DPYD: variants seen among roughly 807,000 people sequenced by gnomAD.
DPYD encodes dihydropyrimidine dehydrogenase [NADP(+)].
In DPYD, 109 loss-of-function variants were observed where a neutral mutation model predicts 116.2. The observed-to-expected ratio is 0.94, with a 90% CI of 0.80 to 1.10. The LOEUF (loss-of-function observed/expected upper bound fraction) is 1.10. Ranked by LOEUF, DPYD falls within the 50% of genes least tolerant of loss-of-function variation. DPYD has a pLI of 0.00. For missense variants in DPYD, 1,302 were observed against 1,254.5 expected (o/e 1.04, Z -0.57); for synonymous variants, 440 against 432.0 (o/e 1.02, Z -0.23).
At chr1:97,251,199 C>T (rs1438482158) in intron 18 of DPYD, among the ~76,000 whole-genome samples, 5 of 151,764 alleles carry the variant, frequency 3.3e-5, no homozygotes, top group Non-Finnish European at 5.9e-5. Context: ...GAGTTCGAGA[C>T]CAGCCTGGCC....
intron 17 of DPYD, 109 bp downstream of exon 17, chr1:97,306,068 G>A: frequency 6.4e-7 from 1 of 1,568,844 alleles, no homozygotes; most frequent in Non-Finnish European, 8.7e-7. Context: ...TTTTAAAATT[G>A]AGACAAAAAA....
intron 16 of DPYD, among the ~76,000 whole-genome samples, chr1:97,370,610 T>C (rs780901144): frequency 6.6e-6 from 1 of 152,170 alleles, no homozygotes; most frequent in Non-Finnish European, 1.5e-5. Flanking sequence ...CAACACAATA[T>C]GCACTTGTTT....
intron 16 of DPYD, among the ~76,000 whole-genome samples, chr1:97,318,062 A>C (rs1206297548): frequency 6.7e-6 from 1 of 148,206 alleles, no homozygotes; most frequent in Non-Finnish European, 1.5e-5. Context: ...GCCTGCCCTA[A>C]AAGAGCTCCT....
chr1:97,500,411 A>G (rs141449684), intron 13 of DPYD, among the ~76,000 whole-genome samples: 178 of 152,156 alleles, frequency 1.2e-3, no homozygotes, highest in Middle Eastern at 3.4e-3. Context: ...TATTTTTATG[A>G]TTCACAGTGA....
At chr1:97,148,081 G>A (rs1654758933) in intron 20 of DPYD, among the ~76,000 whole-genome samples, 1 of 152,126 alleles carries the variant, frequency 6.6e-6, no homozygotes, top group South Asian at 2.1e-4. Flanking sequence ...AATTATGGAA[G>A]CCTGCAACTG....
intron 10 of DPYD, among the ~76,000 whole-genome samples, chr1:97,576,805 C>T (rs1557811092): frequency 6.6e-6 from 1 of 152,176 alleles, no homozygotes; most frequent in East Asian, 1.9e-4. Context: ...CTGGACCCCA[C>T]AGAGATTCAT....
rs547160886 is a variant in DPYD at position 97,328,177 on chromosome 1, C to T, written c.2059-21880G>A. On this transcript the variant is annotated intron_variant, in intron 16 of 22. Transcript: ENST00000370192. ...CATACAGATCTCCTCTCAGATAGCA[C>T]ATGCATAATTCGATTTGTCCACAAT... Among the ~76,000 whole-genome samples the T allele has an allele frequency of 5.3e-5, 8 of 152,254 alleles. No homozygotes were observed. The South Asian group carries it at 1.7e-3, about 32-fold the overall frequency.
In DPYD at chr1:97,580,687, T is replaced by G. The variant is rs540284357; in HGVS notation, c.1129-6717A>C. Reference sequence around the variant, plus strand: ...TTTAGCAATAACCCTGCTAAGTCAGTTTAGCAAAATCCCTCACCCTTGATA... The same window carrying G: ...TTTAGCAATAACCCTGCTAAGTCAGGTTAGCAAAATCCCTCACCCTTGATA... On this transcript the variant is annotated intron_variant, in intron 10 of 22. Transcript: ENST00000370192. 3.9e-3 allele frequency among the ~76,000 whole-genome samples: 601 copies of G among 152,254 alleles called. 4 individuals carry two copies. Among genetic ancestry groups the G allele is most frequent in the South Asian group, 0.017 (80 of 4,824 alleles).
intron 10 of DPYD, among the ~76,000 whole-genome samples, chr1:97,583,519 A>C (rs1302185425): frequency 6.6e-6 from 1 of 152,004 alleles, no homozygotes; most frequent in African/African-American, 2.4e-5. Flanking sequence ...TCCTCCTTTA[A>C]TCTTAAAATG....
At chr1:97,737,244 CT>C (rs1165569388) in intron 4 of DPYD, among the ~76,000 whole-genome samples, 1 of 152,030 alleles carries the variant, frequency 6.6e-6, no homozygotes, top group Non-Finnish European at 1.5e-5. Context: ...AGTCAATACT[CT>C]TTAAATGGAT....
intron 11 of DPYD, among the ~76,000 whole-genome samples, chr1:97,568,341 C>A (rs1364589460): frequency 6.6e-6 from 1 of 152,010 alleles, no homozygotes; most frequent in Non-Finnish European, 1.5e-5. Context: ...TTAATAATAA[C>A]ATCTGTAACT....
chr1:97,883,837 A>AG (rs765860161), intron 1 of DPYD: 3 of 474,392 alleles, frequency 6.3e-6, no homozygotes, highest in Non-Finnish European at 1.2e-5. Flanking sequence ...GGAATCACAA[A>AG]AAAAAAAAGA....
chr1:97,162,084 C>T (rs986993520), intron 20 of DPYD, among the ~76,000 whole-genome samples: 6 of 151,854 alleles, frequency 4.0e-5, no homozygotes, highest in Admixed American at 2.6e-4. Flanking sequence ...TGGGTATATA[C>T]CCAGTAATGG....
At chr1:97,487,442 G>A (rs1384960668) in intron 13 of DPYD, among the ~76,000 whole-genome samples, 1 of 152,092 alleles carries the variant, frequency 6.6e-6, no homozygotes, top group African/African-American at 2.4e-5. Context: ...GGGAGGCCAA[G>A]GCGGGCGGAT....
chr1:97,759,455 C>T (rs377751256), intron 3 of DPYD, among the ~76,000 whole-genome samples: 57 of 152,270 alleles, frequency 3.7e-4, no homozygotes, highest in African/African-American at 1.3e-3. Flanking sequence ...CTTCTGACCT[C>T]ACAACCATCT....
At chr1:97,795,514 G>C (rs1667526614) in intron 3 of DPYD, among the ~76,000 whole-genome samples, 1 of 151,916 alleles carries the variant, frequency 6.6e-6, no homozygotes, top group South Asian at 2.1e-4. Context: ...ACATAGAATG[G>C]AGACTAAAGA....
intron 12 of DPYD, among the ~76,000 whole-genome samples, chr1:97,525,277 A>G (rs188764642): frequency 2.0e-5 from 3 of 152,154 alleles, no homozygotes; most frequent in African/African-American, 4.8e-5. Context: ...ATGACTCCAT[A>G]CATCAGTCAA....
At chr1:97,696,644 G>A (rs1172940228) in intron 6 of DPYD, among the ~76,000 whole-genome samples, 1 of 151,908 alleles carries the variant, frequency 6.6e-6, no homozygotes, top group African/African-American at 2.4e-5. Flanking sequence ...AAGTCCTTTA[G>A]TATAGTCAGT....
intron 2 of DPYD, among the ~76,000 whole-genome samples, chr1:97,869,899 A>G (rs1671574067): frequency 6.6e-6 from 1 of 151,850 alleles, no homozygotes; most frequent in Non-Finnish European, 1.5e-5. Context: ...TAAAATATGA[A>G]CATCAAATAC....
Sources: allele counts gnomAD v4.1 joint callset (sites outside exome capture counted in the v4.1 genomes callset), GRCh38; gene constraint gnomAD v4.1.1; transcripts MANE v1.5; gene names NCBI Gene and HGNC (gene_info 2026-07-23, HGNC 2026-07-21).